Variants in EPHB1 observed in about 807,000 individuals in gnomAD.
EPHB1 encodes EPH receptor B1.
A neutral mutation model predicts 94.4 loss-of-function variants in EPHB1; 30 were observed. That is an observed-to-expected ratio of 0.32 (90% CI 0.24 to 0.43). EPHB1 has a LOEUF of 0.43. Ranked by LOEUF, EPHB1 falls within the 20% of genes least tolerant of loss-of-function variation. The pLI, the probability that EPHB1 is intolerant of heterozygous loss-of-function variation, is 1.00. For synonymous variants in EPHB1, 522 were observed against 489.1 expected, an observed-to-expected ratio of 1.07 and a Z score of -0.89; for missense variants, 1,055 against 1,308.3, an observed-to-expected ratio of 0.81 and a Z score of 2.99.
rs1451122815 is a variant in EPHB1 at position 135,028,600 on chromosome 3, T to C, written c.805+76548T>C. 1.0e-3 allele frequency among the ~76,000 whole-genome samples: 148 copies of C among 147,058 alleles called. 2 individuals carry two copies. Among genetic ancestry groups the C allele is most frequent in the East Asian group, 3.5e-3 (18 of 5,086 alleles). ...CTGTGGTCTGAGAGATAGTTTGTTA[T>C]AATTTCTGTTCTTTTACCTTTGCTG... On this transcript the variant is annotated intron_variant, in intron 3 of 15. Coordinates refer to ENST00000398015, the MANE Select transcript of EPHB1 (RefSeq NM_004441.5).
chr3:135,154,538 C>G (rs1179852533), intron 6 of EPHB1: 3 of 376,908 alleles, frequency 8.0e-6, no homozygotes, highest in Non-Finnish European at 1.4e-5. Flanking sequence ...CTGGGAAGGA[C>G]CAGTCCCATT....
intron 3 of EPHB1, among the ~76,000 whole-genome samples, chr3:135,014,009 G>A (rs932102893): frequency 6.6e-6 from 1 of 152,130 alleles, no homozygotes; most frequent in African/African-American, 2.4e-5. Context: ...GGAGCCATGG[G>A]GATGGGATTC....
chr3:134,920,352 C>T (rs780714540), intron 1 of EPHB1, among the ~76,000 whole-genome samples: 2 of 152,166 alleles, frequency 1.3e-5, no homozygotes, highest in Non-Finnish European at 2.9e-5. Context: ...CTTGCATTTA[C>T]GTAATAGCAG....
chr3:135,239,741 G>A (rs1346442652), intron 12 of EPHB1, among the ~76,000 whole-genome samples: 1 of 152,168 alleles, frequency 6.6e-6, no homozygotes, highest in African/African-American at 2.4e-5. Flanking sequence ...TTCTCCTTCA[G>A]GAACTCCCTG....
intron 3 of EPHB1, among the ~76,000 whole-genome samples, chr3:135,072,349 A>C (rs950666727): frequency 6.6e-6 from 1 of 152,146 alleles, no homozygotes; most frequent in African/African-American, 2.4e-5. Flanking sequence ...ACGCCACTGC[A>C]CTCCAGCCTG....
At chr3:134,838,856 A>G (rs2036726543) in intron 1 of EPHB1, among the ~76,000 whole-genome samples, 1 of 152,224 alleles carries the variant, frequency 6.6e-6, no homozygotes, top group Non-Finnish European at 1.5e-5. Flanking sequence ...CCAGAATGCA[A>G]CTTTGGAGCT....
intron 3 of EPHB1, among the ~76,000 whole-genome samples, chr3:135,011,100 A>C (rs1935604322): frequency 6.6e-6 from 1 of 152,160 alleles, no homozygotes; most frequent in Admixed American, 6.6e-5. Context: ...ATTTGTGTAC[A>C]TGGGGTTGCA....
At chr3:134,978,839 G>A (rs886460130) in intron 3 of EPHB1, among the ~76,000 whole-genome samples, 5 of 152,174 alleles carry the variant, frequency 3.3e-5, no homozygotes, top group African/African-American at 7.2e-5. Context: ...GAAACTCACC[G>A]CAGATGTGTG....
chr3:135,224,756 T>C (rs1296693766), intron 12 of EPHB1, among the ~76,000 whole-genome samples: 2 of 152,310 alleles, frequency 1.3e-5, no homozygotes, highest in Non-Finnish European at 2.9e-5. Flanking sequence ...GCACTTGTCA[T>C]TGAAAAGAAG....
chr3:135,072,629 G>A (rs1937763585), intron 3 of EPHB1, among the ~76,000 whole-genome samples: 1 of 152,242 alleles, frequency 6.6e-6, no homozygotes, highest in East Asian at 1.9e-4. Context: ...CTGCCTCAGG[G>A]CCTTTGCACA....
intron 9 of EPHB1, among the ~76,000 whole-genome samples, chr3:135,169,525 C>T (rs1242155975): frequency 6.6e-6 from 1 of 152,194 alleles, no homozygotes; most frequent in African/African-American, 2.4e-5. Context: ...GCGTTTACTC[C>T]TGTGAATATC....
intron 5 of EPHB1, among the ~76,000 whole-genome samples, chr3:135,133,793 C>A (rs1940513792): frequency 6.6e-6 from 1 of 152,148 alleles, no homozygotes; most frequent in Non-Finnish European, 1.5e-5. Context: ...CTCTTTATTA[C>A]TTTTCACAGC....
chr3:135,165,367 G>A (rs1941622146), intron 7 of EPHB1, among the ~76,000 whole-genome samples: 1 of 152,178 alleles, frequency 6.6e-6, no homozygotes, highest in Admixed American at 6.5e-5. Context: ...TGACCCGTAG[G>A]CTTCCCATTC....
At position 135,177,392 on chromosome 3, in the gene EPHB1, G is replaced by C. The variant is rs548782430; in HGVS notation, c.1760-2468G>C. ...GCACATCAGCTGGCTTCCACCTGTG[G>C]CATCAGTGTTTCTTTGCCTGACTGC... On this transcript the variant is annotated intron_variant, in intron 9 of 15. Transcript: ENST00000398015. 1.3e-5 allele frequency among the ~76,000 whole-genome samples: 2 copies of C among 152,270 alleles called. 1 individual carries two copies. The highest frequency in any genetic ancestry group is 4.1e-4 in the South Asian group (2 of 4,828).
At chr3:134,949,420 C>T (rs1307448426) in intron 2 of EPHB1, among the ~76,000 whole-genome samples, 2 of 111,168 alleles carry the variant, frequency 1.8e-5, no homozygotes, top group East Asian at 4.1e-4. Context: ...TTCCCCACCT[C>T]TCCACACTAT....
At chr3:135,219,131 A>T (rs1265716854) in intron 12 of EPHB1, among the ~76,000 whole-genome samples, 1 of 152,152 alleles carries the variant, frequency 6.6e-6, no homozygotes, top group Non-Finnish European at 1.5e-5. Flanking sequence ...AGAACAGAGG[A>T]GGCTAGAAAG....
chr3:135,204,682 A>G (rs1293642128), intron 12 of EPHB1, among the ~76,000 whole-genome samples: 2 of 135,810 alleles, frequency 1.5e-5, no homozygotes, highest in Non-Finnish European at 3.2e-5. Flanking sequence ...TTTTTTTTTT[A>G]AGTAGAGAAG....
chr3:135,237,040 G>C (rs1272564221), intron 12 of EPHB1, among the ~76,000 whole-genome samples: 1 of 152,124 alleles, frequency 6.6e-6, no homozygotes, highest in Non-Finnish European at 1.5e-5. Flanking sequence ...TGAGAGTAGG[G>C]CTGAGGCTCA....
chr3:135,084,690 G>T (rs11917355), intron 3 of EPHB1, among the ~76,000 whole-genome samples: 1 of 152,194 alleles, frequency 6.6e-6, no homozygotes, highest in African/African-American at 2.4e-5. Context: ...GGGCCTCTCC[G>T]TGGTTATACC....
Sources: allele counts gnomAD v4.1 joint callset (sites outside exome capture counted in the v4.1 genomes callset), GRCh38; gene constraint gnomAD v4.1.1; transcripts MANE v1.5; gene names NCBI Gene and HGNC (gene_info 2026-07-23, HGNC 2026-07-21).